Variants in LARGE1 observed in about 807,000 individuals in gnomAD.
LARGE1 encodes xylosyl- and glucuronyltransferase LARGE1.
A neutral mutation model predicts 87.6 loss-of-function variants in LARGE1; 43 were observed. The observed-to-expected ratio is 0.49, with a 90% CI of 0.38 to 0.63. LARGE1 has a LOEUF of 0.63. Among genes scored for constraint, LARGE1 ranks in the 30% least tolerant of loss-of-function variants. The probability of loss-of-function intolerance (pLI) is 0.00; values close to 1 mark genes in which losing one functional copy is unlikely to be tolerated. For missense variants in LARGE1, 802 were observed against 1,000.2 expected, an observed-to-expected ratio of 0.80 and a Z score of 2.67; for synonymous variants, 434 against 394.6, an observed-to-expected ratio of 1.10 and a Z score of -1.18.
chr22:33,335,787 A>G (rs967451151), intron 10 of LARGE1, among the ~76,000 whole-genome samples: 5 of 152,124 alleles, frequency 3.3e-5, no homozygotes, highest in Non-Finnish European at 7.4e-5. Context: ...CTTCTCTGGG[A>G]GGCTCATTCA....
chr22:33,332,323 TTC>T (rs2146499715), intron 10 of LARGE1, among the ~76,000 whole-genome samples: 1 of 152,290 alleles, frequency 6.6e-6, no homozygotes, highest in African/African-American at 2.4e-5. Flanking sequence ...TTGGTTCTCA[TTC>T]TCTCTCTTGC....
chr22:33,837,279 CA>C (rs1568973692), intron 1 of LARGE1, among the ~76,000 whole-genome samples: 23 of 151,518 alleles, frequency 1.5e-4, no homozygotes, highest in Admixed American at 3.9e-4. Context: ...CACACACACA[CA>C]CCTATACATA....
chr22:33,332,447 A>G (rs530471877), intron 10 of LARGE1, among the ~76,000 whole-genome samples: 1 of 152,282 alleles, frequency 6.6e-6, no homozygotes, highest in East Asian at 1.9e-4. Context: ...ACCCAGTCTC[A>G]GGTATGTCTT....
chr22:33,090,080 C>T, the LARGE1 span, among the ~76,000 whole-genome samples: 1 of 152,056 alleles, frequency 6.6e-6, no homozygotes, highest in Admixed American at 6.6e-5. Flanking sequence ...GTGGTGGGCA[C>T]CTGTAATCCC....
intron 12 of LARGE1, among the ~76,000 whole-genome samples, chr22:33,291,470 T>G (rs1932540238): frequency 6.6e-6 from 1 of 152,196 alleles, no homozygotes; most frequent in Non-Finnish European, 1.5e-5. Flanking sequence ...GCTTAGGTAT[T>G]GTGCTATGGT....
At chr22:33,117,490 C>G in the LARGE1 span, among the ~76,000 whole-genome samples, 1 of 150,810 alleles carries the variant, frequency 6.6e-6, no homozygotes, top group Middle Eastern at 3.4e-3. Flanking sequence ...TCTCTTTGAA[C>G]AGCTTAGAGG....
At chr22:33,492,338 A>T (rs796970450) in intron 6 of LARGE1, among the ~76,000 whole-genome samples, 17 of 152,296 alleles carry the variant, frequency 1.1e-4, no homozygotes, top group African/African-American at 3.8e-4. Flanking sequence ...TCTGTGCACA[A>T]CATTGCCAGT....
At chr22:33,294,575 G>A (rs991468408) in intron 12 of LARGE1, among the ~76,000 whole-genome samples, 7 of 152,124 alleles carry the variant, frequency 4.6e-5, no homozygotes, top group African/African-American at 1.2e-4. Flanking sequence ...CGGCCTCCCC[G>A]TACCTCCCTT....
Position 33,554,610 on chromosome 22 carries a change from C to A in LARGE1, c.787+10238G>T, listed in dbSNP as rs539401776. On this transcript the variant is annotated intron_variant, in intron 6 of 14. Transcript: ENST00000397394. The stretch of plus-strand genomic sequence containing the variant: ...TGACTCCAAGGCTAACATCCCGCTA[C>A]GGGCCACAGTGGTCTTTTGCTGAGA... 4.6e-5 allele frequency among the ~76,000 whole-genome samples: 7 copies of A among 152,292 alleles called. No homozygotes were observed. In the East Asian group the frequency reaches 1.4e-3, roughly 29 times the overall value.
At chr22:33,396,934 A>G (rs1328946060) in intron 7 of LARGE1, among the ~76,000 whole-genome samples, 1 of 152,132 alleles carries the variant, frequency 6.6e-6, no homozygotes, top group South Asian at 2.1e-4. Context: ...TTGCTTTTAT[A>G]AGCAAACTTT....
At position 33,546,535 on chromosome 22, in the gene LARGE1, G is replaced by C. The variant is rs535779719; in HGVS notation, c.787+18313C>G. 4.6e-5 allele frequency among the ~76,000 whole-genome samples: 7 copies of C among 152,170 alleles called. No individual in the cohort carries two copies. The East Asian group carries it at 1.4e-3, about 29-fold the overall frequency. On this transcript the variant is annotated intron_variant, in intron 6 of 14. Transcript: ENST00000397394. ...CTTTGACTGCCCTTCGGAATTCTCA[G>C]AACAGGACCTCCATGAAGGCAGGTG...
chr22:33,386,707 G>GC (rs2065335787), intron 7 of LARGE1, among the ~76,000 whole-genome samples: 2 of 133,704 alleles, frequency 1.5e-5, no homozygotes, highest in African/African-American at 6.2e-5. Context: ...AACAATGTTG[G>GC]GGGGGGTAGA....
chr22:33,390,954 C>T (rs2065497000), intron 7 of LARGE1, among the ~76,000 whole-genome samples: 1 of 152,178 alleles, frequency 6.6e-6, no homozygotes, highest in Non-Finnish European at 1.5e-5. Context: ...ACCTTGGCCT[C>T]CCAAAGTGCT....
rs765908368 is a variant in LARGE1 at position 33,354,069 on chromosome 22, G to A, written c.1132-16268C>T. On this transcript the variant is annotated intron_variant, in intron 9 of 14. Transcript: ENST00000397394. ...AAAGGACATGTAAGAGATGGCACAC[G>A]TGAAGAAAGGATGGTTGCTGGTAGT... 2.5e-4 allele frequency among the ~76,000 whole-genome samples: 38 copies of A among 152,354 alleles called. No individual in the cohort carries two copies. The Middle Eastern group carries it at 0.017, about 68-fold the overall frequency.
At chr22:33,390,077 T>C (rs1271637678) in intron 7 of LARGE1, among the ~76,000 whole-genome samples, 1 of 152,208 alleles carries the variant, frequency 6.6e-6, no homozygotes, top group Admixed American at 6.5e-5. Context: ...CCAGGAAAAC[T>C]GGCACTCTGC....
At chr22:33,426,758 C>G (rs1052282138) in intron 7 of LARGE1, among the ~76,000 whole-genome samples, 1 of 152,140 alleles carries the variant, frequency 6.6e-6, no homozygotes, top group Non-Finnish European at 1.5e-5. Context: ...CTTCCTCCCT[C>G]CCTAAACAGC....
chr22:33,642,710 C>CCAAA (rs1569335914), intron 3 of LARGE1, among the ~76,000 whole-genome samples: 1 of 17,354 alleles, frequency 5.8e-5, no homozygotes, highest in Non-Finnish European at 9.3e-5. Flanking sequence ...AAATGGAAAG[C>CCAAA]AAAAAAAAAA....
chr22:33,815,466 G>C (rs2086622309), intron 1 of LARGE1, among the ~76,000 whole-genome samples: 1 of 152,172 alleles, frequency 6.6e-6, no homozygotes, highest in East Asian at 1.9e-4. Flanking sequence ...TCCTCATGCG[G>C]GGAGAATGTG....
rs191290797 is a variant in LARGE1, at chr22:33,214,991, C to T, written c.1731-48159G>A. Among the ~76,000 whole-genome samples the T allele has an allele frequency of 1.0e-3, 159 of 152,258 alleles. 3 individuals carry two copies. The highest frequency in any genetic ancestry group is 2.4e-4 in the Non-Finnish European group (16 of 68,016). ...TCCTGGTGCCCTGGAAACCATTCTG[C>T]CCCCAAGGCCCTACTCTGGGCCTAC... On this transcript the variant is annotated intron_variant, in intron 11 of 11. Transcript: ENST00000608642.
Sources: allele counts gnomAD v4.1 joint callset (sites outside exome capture counted in the v4.1 genomes callset), GRCh38; gene constraint gnomAD v4.1.1; transcripts MANE v1.5; gene names NCBI Gene and HGNC (gene_info 2026-07-23, HGNC 2026-07-21).